Variants in TRPM3 observed in about 807,000 individuals in gnomAD.
The protein encoded by TRPM3 is transient receptor potential cation channel subfamily M member 3, also known as long transient receptor potential channel 3.
A neutral mutation model predicts 181.2 loss-of-function variants in TRPM3; 77 were observed. The observed-to-expected ratio is 0.42, with a 90% CI of 0.35 to 0.51. TRPM3 has a LOEUF of 0.51. Among genes scored for constraint, TRPM3 ranks in the 20% least tolerant of loss-of-function variants. The pLI is 0.01. For missense variants in TRPM3, 1,759 were observed against 2,196.7 expected, an observed-to-expected ratio of 0.80 and a Z score of 3.98; for synonymous variants, 745 against 796.4, an observed-to-expected ratio of 0.94 and a Z score of 1.09.
chr9:71,010,928 C>T (rs1345585049), intron 1 of TRPM3, among the ~76,000 whole-genome samples: 1 of 69,858 alleles, frequency 1.4e-5, no homozygotes, highest in African/African-American at 3.8e-5. Flanking sequence ...CACACACACA[C>T]ACATACACAC....
At chr9:71,055,704 C>T (rs867559296) in intron 1 of TRPM3, among the ~76,000 whole-genome samples, 4 of 151,920 alleles carry the variant, frequency 2.6e-5, no homozygotes, top group African/African-American at 9.7e-5. Context: ...TATGCCAGTT[C>T]CTTAAAGACA....
chr9:70,588,507 T>C (rs1024482018), intron 22 of TRPM3, among the ~76,000 whole-genome samples: 1 of 150,510 alleles, frequency 6.6e-6, no homozygotes, highest in African/African-American at 2.4e-5. Context: ...CGCATTCCGT[T>C]AGAAATGAGT....
intron 1 of TRPM3, among the ~76,000 whole-genome samples, chr9:71,297,673 G>C (rs1046114122): frequency 6.6e-6 from 1 of 152,138 alleles, no homozygotes; most frequent in Non-Finnish European, 1.5e-5. Flanking sequence ...CACTACATGT[G>C]GGGATTATGG....
rs145655219 is a variant in TRPM3, at chr9:70,544,042, G to A, written c.3707+5500C>T. ...GCAAAACAGCCCTGTGTGGGCAGAT[G>A]CTGCCCACAAGCCACCGTTTTTTGA... On this transcript the variant is annotated intron_variant, in intron 25 of 25. Transcript: ENST00000677713. 2.9e-3 allele frequency among the ~76,000 whole-genome samples: 436 copies of A among 152,282 alleles called. 1 individual carries two copies. The highest frequency in any genetic ancestry group is 9.3e-3 in the African/African-American group (388 of 41,552).
intron 1 of TRPM3, among the ~76,000 whole-genome samples, chr9:71,001,908 C>T (rs2097607230): frequency 6.6e-6 from 1 of 152,048 alleles, no homozygotes; most frequent in African/African-American, 2.4e-5. Context: ...TTTATATAAC[C>T]CAAGGAACAA....
intron 9 of TRPM3, among the ~76,000 whole-genome samples, chr9:70,680,589 G>A (rs2134226892): frequency 6.6e-6 from 1 of 152,306 alleles, no homozygotes; most frequent in South Asian, 2.1e-4. Flanking sequence ...GCCCTATCTA[G>A]GGAGATGACA....
chr9:70,878,550 T>A (rs535847468), intron 1 of TRPM3, among the ~76,000 whole-genome samples: 1 of 152,128 alleles, frequency 6.6e-6, no homozygotes, highest in Non-Finnish European at 1.5e-5. Context: ...TGATTTGTGG[T>A]AAAGAATCTT....
chr9:70,684,826 G>C (rs2066358703), intron 8 of TRPM3, among the ~76,000 whole-genome samples: 1 of 152,164 alleles, frequency 6.6e-6, no homozygotes, highest in South Asian at 2.1e-4. Context: ...TGATGTTTGT[G>C]AGTGAGGTTG....
intron 11 of TRPM3, among the ~76,000 whole-genome samples, chr9:70,638,543 T>A (rs2057569183): frequency 6.6e-6 from 1 of 152,100 alleles, no homozygotes; most frequent in Non-Finnish European, 1.5e-5. Flanking sequence ...TAACAAATCA[T>A]TACTAAGCTA....
chr9:71,108,246 T>C (rs2070190975), intron 1 of TRPM3, among the ~76,000 whole-genome samples: 1 of 152,206 alleles, frequency 6.6e-6, no homozygotes, highest in Non-Finnish European at 1.5e-5. Flanking sequence ...AGAAAAATTG[T>C]TTATCATTAC....
chr9:71,057,318 AT>A (rs1002990763), intron 1 of TRPM3, among the ~76,000 whole-genome samples: 81 of 151,994 alleles, frequency 5.3e-4, no homozygotes, highest in African/African-American at 1.4e-3. Context: ...TTGGGCTTGG[AT>A]TGGTTGTTGT....
chr9:71,302,730 A>G (rs184219560), intron 1 of TRPM3, among the ~76,000 whole-genome samples: 18 of 151,988 alleles, frequency 1.2e-4, no homozygotes, highest in Admixed American at 1.2e-3. Context: ...AAGCTGAAAG[A>G]CTCAGCATAG....
At chr9:71,127,106 A>G (rs1039239055) in intron 1 of TRPM3, among the ~76,000 whole-genome samples, 14 of 151,922 alleles carry the variant, frequency 9.2e-5, no homozygotes, top group African/African-American at 3.4e-4. Flanking sequence ...TATATTCAAT[A>G]TTATGTTATA....
intron 8 of TRPM3, among the ~76,000 whole-genome samples, chr9:70,700,399 C>G (rs2072099215): frequency 1.3e-5 from 2 of 152,072 alleles, no homozygotes; most frequent in African/African-American, 2.4e-5. Context: ...AGGGCAGGAC[C>G]CTGGAAGATG....
intron 22 of TRPM3, among the ~76,000 whole-genome samples, chr9:70,590,280 A>G (rs1275352233): frequency 6.6e-6 from 1 of 152,218 alleles, no homozygotes; most frequent in African/African-American, 2.4e-5. Flanking sequence ...GGATACAACT[A>G]TCTTCAAACT....
rs191291192 is a variant in TRPM3 at position 70,532,052 on chromosome 9, C to T, written c.*3901G>A. 15 of 152,170 alleles carry T rather than the reference C, an allele frequency of 9.9e-5. No individual in the cohort carries two copies. Among genetic ancestry groups the T allele is most frequent in the African/African-American group, 3.6e-4 (15 of 41,438 alleles). The allele number at this position is 152,170 out of a possible 1,614,324, so 9.4% of individuals were successfully genotyped here. Reference sequence around the variant, plus strand: ...TCATTAATACAACCACATGCTACAACTACGCTGGGTTAAACATGGGTTACA... The same window carrying T: ...TCATTAATACAACCACATGCTACAATTACGCTGGGTTAAACATGGGTTACA... On this transcript the variant is annotated 3_prime_UTR_variant, in exon 26 of 26. Transcript: ENST00000677713.
chr9:71,219,050 T>A (rs2080075172), intron 1 of TRPM3, among the ~76,000 whole-genome samples: 1 of 152,194 alleles, frequency 6.6e-6, no homozygotes, highest in South Asian at 2.1e-4. Flanking sequence ...TCTAAAGGAA[T>A]GAGAAACATA....
intron 1 of TRPM3, among the ~76,000 whole-genome samples, chr9:71,256,525 G>A (rs532180564): frequency 4.3e-4 from 65 of 151,234 alleles, no homozygotes; most frequent in African/African-American, 1.6e-3. Flanking sequence ...AGTATGGAGG[G>A]GAAAAAAAAA....
rs147982114 is a variant in TRPM3, at chr9:71,136,424, C to T, written c.184-271913G>A. 6.8e-4 allele frequency among the ~76,000 whole-genome samples: 104 copies of T among 152,206 alleles called. 1 individual carries two copies. The highest frequency in any genetic ancestry group is 2.0e-3 in the African/African-American group (85 of 41,540). On this transcript the variant is annotated intron_variant, in intron 1 of 24. Coordinates refer to the TRPM3 transcript ENST00000357533. ...AGTGAAGCCAGAGGTTGACATGTAC[C>T]CAGGCTCATCCGCCTGAGAAGGCAG...
Sources: allele counts gnomAD v4.1 joint callset (sites outside exome capture counted in the v4.1 genomes callset), GRCh38; gene constraint gnomAD v4.1.1; transcripts MANE v1.5; gene names NCBI Gene and HGNC (gene_info 2026-07-23, HGNC 2026-07-21).